Variants in MAP2K5 observed in about 807,000 individuals in gnomAD.
MAP2K5 encodes dual specificity mitogen-activated protein kinase kinase 5.
A neutral mutation model predicts 83.1 loss-of-function variants in MAP2K5; 49 were observed. The ratio of observed to expected loss-of-function variants is 0.59; its 90% CI spans 0.47 to 0.75. The LOEUF is 0.75. Ranked by LOEUF, MAP2K5 falls within the 30% of genes least tolerant of loss-of-function variation. The probability of loss-of-function intolerance (pLI) is 0.00; values close to 1 mark genes in which losing one functional copy is unlikely to be tolerated. For missense variants in MAP2K5, 457 were observed against 557.5 expected, an observed-to-expected ratio of 0.82 and a Z score of 1.82; for synonymous variants, 202 against 191.8, an observed-to-expected ratio of 1.05 and a Z score of -0.44.
chr15:67,682,839 TAAA>T (rs576946690), intron 13 of MAP2K5, among the ~76,000 whole-genome samples: 1 of 133,876 alleles, frequency 7.5e-6, no homozygotes, highest in Admixed American at 7.5e-5. Flanking sequence ...TCTCAAAAAA[TAAA>T]AAAAAAAGAG....
intron 13 of MAP2K5, among the ~76,000 whole-genome samples, chr15:67,666,725 C>T (rs999020102): frequency 2.0e-5 from 3 of 152,144 alleles, no homozygotes; most frequent in Non-Finnish European, 2.9e-5. Flanking sequence ...CTGGCCAGCC[C>T]AATTCCTACA....
At chr15:67,608,607 A>T (rs2085834650) in intron 8 of MAP2K5, among the ~76,000 whole-genome samples, 1 of 152,156 alleles carries the variant, frequency 6.6e-6, no homozygotes, top group Admixed American at 6.5e-5. Flanking sequence ...CTCATGGAGG[A>T]ACTGGCATTT....
At chr15:67,681,975 A>G (rs1432929634) in intron 13 of MAP2K5, among the ~76,000 whole-genome samples, 2 of 152,192 alleles carry the variant, frequency 1.3e-5, no homozygotes, top group African/African-American at 4.8e-5. Flanking sequence ...TTAATGACTC[A>G]TCTTTTCTGT....
chr15:67,630,848 T>G (rs774880452), intron 8 of MAP2K5, 40 bp from the exon 9 acceptor site: 1 of 1,523,574 alleles, frequency 6.6e-7, no homozygotes, highest in Non-Finnish European at 9.1e-7. Context: ...GTAGGTTGTT[T>G]AGTGATCCCA....
rs1387902272 is a variant in MAP2K5, at chr15:67,757,354, A to G, written c.1134+8753A>G. Among the ~76,000 whole-genome samples, 2 of 152,134 alleles carry G rather than the reference A, an allele frequency of 1.3e-5. No homozygotes were observed. The highest frequency in any genetic ancestry group is 3.9e-4 in the East Asian group (2 of 5,154). On this transcript the variant is annotated intron_variant, in intron 19 of 21. Transcript: ENST00000178640. The surrounding 1 kb of genome is among the most constrained non-coding windows in gnomAD (Gnocchi z 4.9). Reference sequence around the variant, plus strand: ...CCCATTGATTCAATAGTTGATGTTCACACATTTCTAAAAGCCCTTGACCCC... The same window carrying G: ...CCCATTGATTCAATAGTTGATGTTCGCACATTTCTAAAAGCCCTTGACCCC...
rs778492324 is a variant in MAP2K5, at chr15:67,646,480, C to T, written c.736+11C>T. Reference sequence around the variant, plus strand: ...CAGAATTCATGGATGGTGAGTTTTCCCTTTTATAATACTTTTAAAATGATT... The same window carrying T: ...CAGAATTCATGGATGGTGAGTTTTCTCTTTTATAATACTTTTAAAATGATT... On this transcript the variant is annotated intron_variant, in intron 11 of 21. Coordinates refer to ENST00000178640, the MANE Select transcript of MAP2K5 (RefSeq NM_145160.3). 1.3e-6 allele frequency: 2 copies of T among 1,487,978 alleles called. No homozygotes were observed. The highest frequency in any genetic ancestry group is 1.9e-6 in the Non-Finnish European group (2 of 1,079,464). The allele number at this position is 1,487,978 out of a possible 1,614,324, so 92.2% of individuals were successfully genotyped here. A position where few individuals can be genotyped will look rare whatever the true frequency, so the allele number is the denominator to read the frequency against.
intron 13 of MAP2K5, among the ~76,000 whole-genome samples, chr15:67,666,915 C>G (rs1234784603): frequency 1.3e-5 from 2 of 152,094 alleles, no homozygotes; most frequent in Non-Finnish European, 2.9e-5. Flanking sequence ...CAGTTATGTC[C>G]CAGTAGTTAT....
chr15:67,615,528 A>G (rs560914115), intron 8 of MAP2K5, among the ~76,000 whole-genome samples: 8 of 152,266 alleles, frequency 5.3e-5, no homozygotes, highest in African/African-American at 1.9e-4. Context: ...CCCTGAAACT[A>G]TTTGAAGTAT....
chr15:67,805,640 G>A (rs2090788838), intron 21 of MAP2K5, among the ~76,000 whole-genome samples: 1 of 152,064 alleles, frequency 6.6e-6, no homozygotes, highest in Non-Finnish European at 1.5e-5. Flanking sequence ...GACAGGGAGG[G>A]AGAAGAGCTG....
intron 16 of MAP2K5, among the ~76,000 whole-genome samples, chr15:67,706,889 A>G (rs984461972): frequency 6.6e-5 from 10 of 152,144 alleles, no homozygotes; most frequent in African/African-American, 2.4e-4. Flanking sequence ...GGGATTCAGT[A>G]GTGAAGGTTA....
Position 67,720,303 on chromosome 15 carries a change from TAC to T in MAP2K5, c.1045-7605_1045-7604del, listed in dbSNP as rs141119445. Among the ~76,000 whole-genome samples, 1 of 151,858 alleles carries T rather than the reference TAC, an allele frequency of 6.6e-6. No individual in the cohort carries two copies. The highest frequency in any genetic ancestry group is 2.4e-5 in the African/African-American group (1 of 41,300). On this transcript the variant is annotated intron_variant, in intron 16 of 21. Transcript: ENST00000178640. The surrounding 1 kb of genome is among the most constrained non-coding windows in gnomAD (Gnocchi z 5.7). ...ATATATACATAAGTATACACATACA[TAC>T]ACACACATATGCTTATACATACATA...
chr15:67,725,705 A>G (rs750554336), intron 16 of MAP2K5, among the ~76,000 whole-genome samples: 10 of 152,194 alleles, frequency 6.6e-5, no homozygotes, highest in Non-Finnish European at 1.5e-4. Context: ...CTCCAAATGG[A>G]AGTATATGCA....
Position 67,777,316 on chromosome 15 carries a change from T to C in MAP2K5, c.1242+4564T>C, listed in dbSNP as rs932647229. 1.3e-5 allele frequency among the ~76,000 whole-genome samples: 2 copies of C among 152,124 alleles called. No individual in the cohort carries two copies. Among genetic ancestry groups the C allele is most frequent in the African/African-American group, 2.4e-5 (1 of 41,420 alleles). On this transcript the variant is annotated intron_variant, in intron 21 of 21. Transcript: ENST00000178640. This position sits in a 1 kb window ranked among gnomAD's most constrained non-coding sequence, Gnocchi z 6.0. Reference sequence around the variant, plus strand: ...ACACAGTTACAATTTGGGCTCAGAGTACGGTAGATCTTTCTATGCATTTAG... The same window carrying C: ...ACACAGTTACAATTTGGGCTCAGAGCACGGTAGATCTTTCTATGCATTTAG...
intron 3 of MAP2K5, among the ~76,000 whole-genome samples, chr15:67,564,444 T>C (rs2084799780): frequency 6.6e-6 from 1 of 152,210 alleles, no homozygotes; most frequent in Non-Finnish European, 1.5e-5. Context: ...GACTTCAGCT[T>C]CAGCCAGGAT....
At chr15:67,619,381 G>A (rs897344483) in intron 8 of MAP2K5, among the ~76,000 whole-genome samples, 2 of 152,138 alleles carry the variant, frequency 1.3e-5, no homozygotes, top group African/African-American at 4.8e-5. Context: ...CTTCACAAGG[G>A]CAGGGACTTG....
chr15:67,588,445 C>T (rs566407369), intron 6 of MAP2K5, among the ~76,000 whole-genome samples: 6 of 152,334 alleles, frequency 3.9e-5, no homozygotes, highest in African/African-American at 1.4e-4. Context: ...ATGATACTCC[C>T]TTCTTCCTTG....
intron 4 of MAP2K5, among the ~76,000 whole-genome samples, chr15:67,584,695 T>C (rs376970300): frequency 1.5e-3 from 227 of 147,594 alleles, no homozygotes; most frequent in African/African-American, 5.5e-3. Context: ...TTTTTTTTTT[T>C]TGACACAGAG....
At position 67,755,564 on chromosome 15, in the gene MAP2K5, C is replaced by A. The variant is rs2089817117; in HGVS notation, c.1134+6963C>A. Among the ~76,000 whole-genome samples the A allele has an allele frequency of 6.6e-6, 1 of 152,152 alleles. No homozygotes were observed. The highest frequency in any genetic ancestry group is 6.5e-5 in the Admixed American group (1 of 15,282). ...GCATTTCTAGAAAGCATCAGGGGAG[C>A]CATGTCCAAGTGAAGAGTCCATGTG... On this transcript the variant is annotated intron_variant, in intron 19 of 21. Coordinates refer to ENST00000178640, the MANE Select transcript of MAP2K5 (RefSeq NM_145160.3). This position sits in a 1 kb window ranked among gnomAD's most constrained non-coding sequence, Gnocchi z 4.7.
rs74020425 is a variant in MAP2K5 at position 67,805,472 on chromosome 15, G to A, written c.1243-1174G>A. Among the ~76,000 whole-genome samples the A allele has an allele frequency of 2.7e-3, 411 of 152,318 alleles. 3 individuals are homozygous for A. Among genetic ancestry groups the A allele is most frequent in the African/African-American group, 9.6e-3 (397 of 41,564 alleles). On this transcript the variant is annotated intron_variant, in intron 21 of 21. Coordinates refer to ENST00000178640, the MANE Select transcript of MAP2K5 (RefSeq NM_145160.3). ...TGATGAGCTCGTGGCGAGGCCATGCGGCTCTTTAAGCAGCCTCTCTAGGGC... is the reference window on the plus strand; with the variant it reads ...TGATGAGCTCGTGGCGAGGCCATGCAGCTCTTTAAGCAGCCTCTCTAGGGC...
Sources: gnomAD v4.1 joint callset for allele counts (sites outside exome capture counted in the v4.1 genomes callset) on GRCh38, gnomAD v4.1.1 for gene constraint, Gnocchi (gnomAD v3.1) non-coding constraint, MANE v1.5 for transcripts, NCBI Gene and HGNC (gene_info 2026-07-23, HGNC 2026-07-21) for gene names.